The following LRRK2 variants were observed in gnomAD, a reference collection of about 807,000 sequenced individuals.
LRRK2 encodes leucine-rich repeat serine/threonine-protein kinase 2.
A neutral mutation model predicts 302.6 loss-of-function variants in LRRK2; 203 were observed. The observed-to-expected ratio is 0.67, with a 90% CI of 0.60 to 0.75. The LOEUF is 0.75. Among genes scored for constraint, LRRK2 ranks in the 30% least tolerant of loss-of-function variants. The probability of loss-of-function intolerance (pLI) is 0.00; values close to 1 mark genes in which losing one functional copy is unlikely to be tolerated. For missense variants in LRRK2, 2,830 were observed against 2,951.0 expected, an observed-to-expected ratio of 0.96 and a Z score of 0.95; for synonymous variants, 1,066 against 1,031.9, an observed-to-expected ratio of 1.03 and a Z score of -0.63.
At chr12:40,276,464 G>T (rs919203267) in intron 16 of LRRK2, among the ~76,000 whole-genome samples, 1 of 151,990 alleles carries the variant, frequency 6.6e-6, no homozygotes, top group Non-Finnish European at 1.5e-5. Flanking sequence ...CTCAGCTAAT[G>T]TTTGTATTTT....
At chr12:40,356,010 G>T (rs992089699) in intron 45 of LRRK2, 105 bp from the exon 46 acceptor site, 20 of 708,484 alleles carry the variant, frequency 2.8e-5, no homozygotes, top group Non-Finnish European at 4.9e-5. Flanking sequence ...GGAATTTATA[G>T]TTGAGAAGTC....
At chr12:40,316,852 A>T (rs1192274228) in intron 33 of LRRK2, among the ~76,000 whole-genome samples, 1 of 152,070 alleles carries the variant, frequency 6.6e-6, no homozygotes, top group Non-Finnish European at 1.5e-5. Context: ...GAAGTTTTAA[A>T]TATATCCAGC....
At chr12:40,245,991 A>C (rs938453997) in intron 7 of LRRK2, among the ~76,000 whole-genome samples, 2 of 151,964 alleles carry the variant, frequency 1.3e-5, no homozygotes, top group African/African-American at 4.8e-5. Flanking sequence ...ATAGTGTTAA[A>C]TAGAGCCATT....
At chr12:40,342,866 A>G (rs1421892756) in intron 41 of LRRK2, among the ~76,000 whole-genome samples, 1 of 152,012 alleles carries the variant, frequency 6.6e-6, no homozygotes, top group Admixed American at 6.6e-5. Flanking sequence ...GTGTAGGTCC[A>G]TTACGGCTGT....
intron 28 of LRRK2, among the ~76,000 whole-genome samples, chr12:40,308,100 AT>A (rs768838701): frequency 6.6e-6 from 1 of 151,902 alleles, no homozygotes; most frequent in African/African-American, 2.4e-5. Flanking sequence ...AGGGTTTTTC[AT>A]ACTATTTAAA....
At chr12:40,334,944 T>G in intron 39 of LRRK2, 23 bp from the exon 40 acceptor site, 1 of 1,613,090 alleles carries the variant, frequency 6.2e-7, no homozygotes, top group Non-Finnish European at 8.5e-7. Context: ...GAATTACTCT[T>G]ACATGATTTT....
chr12:40,314,188 T>C lies in LRRK2; in HGVS notation c.4738+15T>C. The C allele has an allele frequency of 6.2e-7, 1 of 1,609,540 alleles. No individual in the cohort carries two copies. The highest frequency in any genetic ancestry group is 8.5e-7 in the Non-Finnish European group (1 of 1,176,502). On this transcript the variant is annotated intron_variant, in intron 32 of 50. Coordinates refer to ENST00000298910, the MANE Select transcript of LRRK2 (RefSeq NM_198578.4). ...AAATGAATCAGGTTTGTGTTTTTCG[T>C]TCCTTATTTTCAAAGCTCAGCTGTA...
chr12:40,236,114 G>C (rs1415257563), intron 4 of LRRK2, among the ~76,000 whole-genome samples: 1 of 151,926 alleles, frequency 6.6e-6, no homozygotes, highest in African/African-American at 2.4e-5. Context: ...TCCTGCCCTT[G>C]CCATTATTAC....
At chr12:40,337,274 C>G (rs1353826924) in intron 40 of LRRK2, among the ~76,000 whole-genome samples, 1 of 152,190 alleles carries the variant, frequency 6.6e-6, no homozygotes, top group African/African-American at 2.4e-5. Flanking sequence ...CATACAAGAA[C>G]TTTCTTCACG....
Position 40,340,231 on chromosome 12 carries a change from T to G in LRRK2, c.5949-63T>G, listed in dbSNP as rs1476071716. 4 of 1,555,968 alleles carry G rather than the reference T, an allele frequency of 2.6e-6. No homozygotes were observed. In the African/African-American group the frequency reaches 5.5e-5, roughly 21 times the overall value. Reference sequence around the variant, plus strand: ...AGTGGACATTTATATTTAAGGAAATTAGGACAAAAATTATTATAATGTAAT... The same window carrying G: ...AGTGGACATTTATATTTAAGGAAATGAGGACAAAAATTATTATAATGTAAT... On this transcript the variant is annotated intron_variant, in intron 40 of 50. Coordinates refer to ENST00000298910, the MANE Select transcript of LRRK2 (RefSeq NM_198578.4).
At position 40,328,420 on chromosome 12, in the gene LRRK2, A is replaced by G. The variant is rs1238566929; in HGVS notation, c.5717A>G (p.Lys1906Arg). Residue 1906 changes from lysine (K) to arginine (R), a missense_variant, in exon 39 of 51, where the codon AAG (lysine) becomes AGG (arginine). This residue lies in a region of LRRK2 where 253 missense variants were observed against 346.7 expected (regional missense o/e 0.73). Coordinates refer to ENST00000298910, the MANE Select transcript of LRRK2 (RefSeq NM_198578.4). ...AAYEGEEVAV[K>R]IFNKHTSLRL... ...TATGAAGGAGAAGAAGTGGCTGTGA[A>G]GATTTTTAATAAACATACATCACTC... The G allele has an allele frequency of 6.2e-7, 1 of 1,613,678 alleles. No individual in the cohort carries two copies. The highest frequency in any genetic ancestry group is 8.5e-7 in the Non-Finnish European group (1 of 1,179,746).
Position 40,255,963 on chromosome 12 carries a change from A to C in LRRK2, c.1289-1285A>C, listed in dbSNP as rs557095516. Among the ~76,000 whole-genome samples the C allele has an allele frequency of 2.0e-5, 3 of 152,292 alleles. No homozygotes were observed. In the South Asian group the frequency reaches 6.2e-4, roughly 32 times the overall value. On this transcript the variant is annotated intron_variant, in intron 11 of 50. Transcript: ENST00000298910. Reference sequence around the variant, plus strand: ...CCATGTTTTGTCCTATCTTCTTAAGATAGACTACTTATTTTAAAAGCAGTA... The same window carrying C: ...CCATGTTTTGTCCTATCTTCTTAAGCTAGACTACTTATTTTAAAAGCAGTA...
At chr12:40,315,987 C>A (rs1945204434) in intron 33 of LRRK2, among the ~76,000 whole-genome samples, 1 of 151,932 alleles carries the variant, frequency 6.6e-6, no homozygotes, top group Admixed American at 6.6e-5. Context: ...ATGTTAGCAG[C>A]ATTTTTGGCC....
intron 49 of LRRK2, chr12:40,365,659 A>T (rs1034231420): frequency 8.6e-5 from 13 of 151,966 alleles, no homozygotes; most frequent in Non-Finnish European, 1.8e-4. Flanking sequence ...CAATAATAGC[A>T]TATATACAAA....
At chr12:40,286,404 G>T (rs971388090) in intron 19 of LRRK2, 5 of 151,942 alleles carry the variant, frequency 3.3e-5, no homozygotes, top group Non-Finnish European at 5.9e-5. Context: ...CCTTCTTGGG[G>T]TTTATCATAT....
At chr12:40,348,930 T>A (rs535232124) in intron 43 of LRRK2, among the ~76,000 whole-genome samples, 3 of 152,048 alleles carry the variant, frequency 2.0e-5, no homozygotes, top group Non-Finnish European at 4.4e-5. Flanking sequence ...AATTTTAATA[T>A]ATATAAATTT....
At chr12:40,322,223 G>C (rs1296292672) in intron 36 of LRRK2, 42 bp downstream of exon 36, 2 of 1,571,396 alleles carry the variant, frequency 1.3e-6, no homozygotes, top group Non-Finnish European at 1.7e-6. Flanking sequence ...CAACACTAAA[G>C]AAATTTAAAC....
chr12:40,281,281 G>T (rs547204569), intron 18 of LRRK2, among the ~76,000 whole-genome samples: 1 of 152,312 alleles, frequency 6.6e-6, no homozygotes, highest in African/African-American at 2.4e-5. Context: ...GGCACTGAGG[G>T]TTTAAATAAC....
At position 40,295,532 on chromosome 12, in the gene LRRK2, G is replaced by A. The variant is rs1944349091; in HGVS notation, c.2984G>A (p.Arg995Lys). The change falls in exon 23 of 51, where the codon AGA becomes AAA. Residue 995 changes from arginine (R) to lysine (K), a missense_variant. Transcript: ENST00000298910. ...CTAGACCTTTCAGCAAATGAACTAA[G>A]AGATATTGATGCCCTAAGCCAGAAA... ...TSLDLSANEL[R>K]DIDALSQKCC... is the part of the protein sequence containing the mutation. 6.2e-7 allele frequency: 1 copy of A among 1,613,846 alleles called. No individual in the cohort carries two copies. The highest frequency in any genetic ancestry group is 1.7e-5 in the Admixed American group (1 of 59,972).
Sources: allele counts gnomAD v4.1 joint callset (sites outside exome capture counted in the v4.1 genomes callset), GRCh38; gene constraint gnomAD v4.1.1; regional missense constraint gnomAD v4.1.1; transcripts MANE v1.5; gene names NCBI Gene and HGNC (gene_info 2026-07-23, HGNC 2026-07-21).